ESRRG: variants seen among roughly 807,000 people sequenced by gnomAD.
ESRRG encodes estrogen-related receptor gamma.
Under a neutral mutation model 44.0 loss-of-function variants are expected in ESRRG, and 13 were observed. The ratio of observed to expected loss-of-function variants is 0.30; its 90% CI spans 0.19 to 0.47. ESRRG has a LOEUF of 0.47. Among genes scored for constraint, ESRRG ranks in the 20% least tolerant of loss-of-function variants. The pLI is 1.00. For synonymous variants in ESRRG, 215 were observed against 214.6 expected (o/e 1.00, Z -0.02); for missense variants, 395 against 580.6 (o/e 0.68, Z 3.29).
At chr1:216,831,504 AAGAG>A (rs1166946915) in intron 2 of ESRRG, among the ~76,000 whole-genome samples, 2 of 148,504 alleles carry the variant, frequency 1.3e-5, no homozygotes, top group African/African-American at 2.5e-5. Flanking sequence ...GGAGGAGAAA[AAGAG>A]AGAGAGAGAA....
At chr1:216,658,998 C>T (rs2071526783) in intron 2 of ESRRG, among the ~76,000 whole-genome samples, 1 of 152,138 alleles carries the variant, frequency 6.6e-6, no homozygotes, top group African/African-American at 2.4e-5. Context: ...GCTGTGTGAA[C>T]TTGAACTAGT....
chr1:216,746,994 C>T (rs1459206313), intron 2 of ESRRG, among the ~76,000 whole-genome samples: 2 of 152,078 alleles, frequency 1.3e-5, no homozygotes, highest in African/African-American at 4.8e-5. Flanking sequence ...TATGACTTAG[C>T]AAAGGAAACC....
intron 1 of ESRRG, among the ~76,000 whole-genome samples, chr1:216,703,799 A>G (rs2081936367): frequency 6.6e-6 from 1 of 151,830 alleles, no homozygotes; most frequent in Non-Finnish European, 1.5e-5. Context: ...GTGTAGAGCC[A>G]AAAAAGAATG....
intron 3 of ESRRG, among the ~76,000 whole-genome samples, chr1:216,648,883 A>G (rs2068245508): frequency 1.3e-5 from 2 of 152,190 alleles, no homozygotes; most frequent in African/African-American, 4.8e-5. Flanking sequence ...TTGAATGAGC[A>G]TAAGTTTAGT....
intron 1 of ESRRG, among the ~76,000 whole-genome samples, chr1:217,001,677 C>A (rs1388472751): frequency 6.6e-6 from 1 of 152,026 alleles, no homozygotes; most frequent in East Asian, 1.9e-4. Context: ...GCAAAGAGGC[C>A]AAGGTGGCTG....
At chr1:217,036,944 C>G (rs2083010851) in intron 1 of ESRRG, among the ~76,000 whole-genome samples, 1 of 152,148 alleles carries the variant, frequency 6.6e-6, no homozygotes, top group Admixed American at 6.5e-5. Context: ...TCTCCTCAGT[C>G]ATGCCCGAGT....
At chr1:216,920,064 G>C (rs574995322) in intron 2 of ESRRG, among the ~76,000 whole-genome samples, 1 of 152,322 alleles carries the variant, frequency 6.6e-6, no homozygotes, top group South Asian at 2.1e-4. Context: ...AGATGAAGTT[G>C]TATAATATAT....
chr1:216,531,122 G>A (rs1394899137), intron 5 of ESRRG, among the ~76,000 whole-genome samples: 2 of 152,126 alleles, frequency 1.3e-5, no homozygotes, highest in Non-Finnish European at 2.9e-5. Flanking sequence ...ATGTATTCAT[G>A]AAAGAACGTA....
chr1:216,620,638 T>C (rs747051261), intron 3 of ESRRG, among the ~76,000 whole-genome samples: 5 of 152,206 alleles, frequency 3.3e-5, no homozygotes, highest in Admixed American at 6.5e-5. Context: ...CACATTGCAT[T>C]GTGGTAACAA....
chr1:216,506,538 T>C lies in ESRRG; in HGVS notation c.*401A>G, dbSNP rs1458411819. On this transcript the variant is annotated 3_prime_UTR_variant, in exon 7 of 7. Transcript: ENST00000408911. ...AGGATTTTTTTTTAAACTAAAGCTA[T>C]TTCAAATTTAGAAAAAAGGGGAAGG... 1 of 417,912 alleles carries C rather than the reference T, an allele frequency of 2.4e-6. No individual in the cohort carries two copies. Among genetic ancestry groups the C allele is most frequent in the Non-Finnish European group, 4.7e-6 (1 of 214,078 alleles). The allele number at this position is 417,912 out of a possible 1,614,324, so 25.9% of individuals were successfully genotyped here.
At chr1:217,026,066 C>A (rs1560514271) in intron 1 of ESRRG, among the ~76,000 whole-genome samples, 1 of 152,172 alleles carries the variant, frequency 6.6e-6, no homozygotes, top group African/African-American at 2.4e-5. Flanking sequence ...CTGAGGTCAC[C>A]CGTGCATGGT....
intron 2 of ESRRG, among the ~76,000 whole-genome samples, chr1:216,745,421 C>T (rs2091278821): frequency 6.6e-6 from 1 of 152,138 alleles, no homozygotes; most frequent in African/African-American, 2.4e-5. Flanking sequence ...CAACTACTGG[C>T]CTCAAGCGAT....
chr1:216,618,488 AT>A (rs2061721846), intron 3 of ESRRG, among the ~76,000 whole-genome samples: 1 of 152,220 alleles, frequency 6.6e-6, no homozygotes, highest in Non-Finnish European at 1.5e-5. Context: ...AATCTTACAT[AT>A]TCATCTACCT....
intron 5 of ESRRG, among the ~76,000 whole-genome samples, chr1:216,558,658 C>T (rs559240312): frequency 7.9e-5 from 12 of 151,680 alleles, no homozygotes; most frequent in Middle Eastern, 3.4e-3. Flanking sequence ...TTTTTTTCCT[C>T]ATTTGATTTC....
intron 2 of ESRRG, among the ~76,000 whole-genome samples, chr1:216,821,779 A>T (rs899283741): frequency 5.9e-5 from 9 of 151,470 alleles, no homozygotes; most frequent in South Asian, 2.1e-4. Flanking sequence ...CATTTAAAAA[A>T]TTTTAAAAAT....
At chr1:216,828,066 C>T (rs1239896853) in intron 2 of ESRRG, among the ~76,000 whole-genome samples, 3 of 152,128 alleles carry the variant, frequency 2.0e-5, no homozygotes, top group Non-Finnish European at 2.9e-5. Flanking sequence ...CTGCTTAAAA[C>T]TAACTCTTTC....
intron 1 of ESRRG, among the ~76,000 whole-genome samples, chr1:216,720,787 G>A (rs970994208): frequency 5.3e-5 from 8 of 152,042 alleles, no homozygotes; most frequent in Non-Finnish European, 1.2e-4. Flanking sequence ...CTTAAAACAC[G>A]AAACTTAAAT....
intron 3 of ESRRG, among the ~76,000 whole-genome samples, chr1:216,585,130 T>TA (rs575797801): frequency 2.3e-4 from 35 of 151,662 alleles, no homozygotes; most frequent in East Asian, 7.7e-4. Context: ...GTAGAAAGGT[T>TA]AAAAAAAAAT....
At chr1:216,512,803 T>C (rs2043103092) in intron 6 of ESRRG, among the ~76,000 whole-genome samples, 1 of 152,160 alleles carries the variant, frequency 6.6e-6, no homozygotes, top group Non-Finnish European at 1.5e-5. Flanking sequence ...GACCCTGATA[T>C]GGGAGATTAT....
Sources: gnomAD v4.1 joint callset for allele counts (sites outside exome capture counted in the v4.1 genomes callset) on GRCh38, gnomAD v4.1.1 for gene constraint, MANE v1.5 for transcripts, NCBI Gene and HGNC (gene_info 2026-07-23, HGNC 2026-07-21) for gene names.